PACSIN2: variants seen among roughly 807,000 people sequenced by gnomAD.
PACSIN2 encodes the protein protein kinase C and casein kinase substrate in neurons 2.
In PACSIN2, 25 loss-of-function variants were observed where a neutral mutation model predicts 63.8. The ratio of observed to expected loss-of-function variants is 0.39; its 90% CI spans 0.29 to 0.55. The LOEUF (loss-of-function observed/expected upper bound fraction) is 0.55, where lower values mean the gene tolerates loss of function less well. Among genes scored for constraint, PACSIN2 ranks in the 20% least tolerant of loss-of-function variants. PACSIN2 has a pLI of 0.62. For missense variants in PACSIN2, 518 were observed against 646.9 expected, an observed-to-expected ratio of 0.80 and a Z score of 2.16; for synonymous variants, 255 against 256.2, an observed-to-expected ratio of 1.00 and a Z score of 0.05.
At chr22:42,931,367 G>C (rs1932774056) in intron 1 of PACSIN2, among the ~76,000 whole-genome samples, 1 of 152,226 alleles carries the variant, frequency 6.6e-6, no homozygotes, top group Non-Finnish European at 1.5e-5. Context: ...GACTGAAGTA[G>C]CTGCTTTCCA....
chr22:42,915,006 G>A (rs1227405143), intron 1 of PACSIN2, among the ~76,000 whole-genome samples: 1 of 152,112 alleles, frequency 6.6e-6, no homozygotes, highest in East Asian at 1.9e-4. Context: ...TGGGACTACA[G>A]GCACGTGCTG....
intron 2 of PACSIN2, 98 bp from the exon 3 acceptor site, chr22:42,893,711 C>A: frequency 8.0e-7 from 1 of 1,242,450 alleles, no homozygotes; most frequent in Non-Finnish European, 1.1e-6. Context: ...CTGATGCGCC[C>A]CTGGGGTCAT....
At chr22:42,919,274 G>C (rs1932008316) in intron 1 of PACSIN2, among the ~76,000 whole-genome samples, 1 of 152,166 alleles carries the variant, frequency 6.6e-6, no homozygotes, top group Non-Finnish European at 1.5e-5. Context: ...GTCCTTGTCT[G>C]TAAGGCAGTA....
chr22:43,006,759 G>A (rs979633248), intron 1 of PACSIN2, among the ~76,000 whole-genome samples: 3 of 152,160 alleles, frequency 2.0e-5, no homozygotes, highest in Non-Finnish European at 4.4e-5. Flanking sequence ...AGGGTGCAGT[G>A]AGCCGAAATC....
At chr22:42,952,671 T>C (rs144688978) in intron 1 of PACSIN2, among the ~76,000 whole-genome samples, 1 of 151,758 alleles carries the variant, frequency 6.6e-6, no homozygotes, top group East Asian at 1.9e-4. Context: ...TTATTTATTT[T>C]TTTTTTTTTG....
At chr22:42,886,448 G>GTAGA (rs1443068216) in intron 5 of PACSIN2, among the ~76,000 whole-genome samples, 1 of 137,608 alleles carries the variant, frequency 7.3e-6, no homozygotes. Context: ...AGGTAGGTAG[G>GTAGA]TAGGTATGTA....
intron 1 of PACSIN2, among the ~76,000 whole-genome samples, chr22:43,014,338 A>T: frequency 3.8e-5 from 1 of 26,272 alleles, no homozygotes; most frequent in Non-Finnish European, 6.3e-5. Flanking sequence ...ACACACACAC[A>T]CACACACACA....
chr22:42,888,604 C>A (rs375629150), intron 5 of PACSIN2, 39 bp downstream of exon 5: 80 of 1,601,380 alleles, frequency 5.0e-5, no homozygotes, highest in Non-Finnish European at 6.5e-5. Flanking sequence ...ACAACTGACA[C>A]GGTGACACTC....
At chr22:42,933,593 T>C (rs1932826763) in intron 1 of PACSIN2, among the ~76,000 whole-genome samples, 1 of 152,158 alleles carries the variant, frequency 6.6e-6, no homozygotes, top group African/African-American at 2.4e-5. Context: ...AGCCTGTCCG[T>C]CCTATACTCT....
chr22:43,012,842 T>C (rs1924592382), intron 1 of PACSIN2, among the ~76,000 whole-genome samples: 1 of 152,054 alleles, frequency 6.6e-6, no homozygotes, highest in Admixed American at 6.6e-5. Context: ...TTAGTAGACA[T>C]GGGGTTTCTC....
chr22:42,922,136 T>C (rs566983131), intron 1 of PACSIN2, among the ~76,000 whole-genome samples: 1 of 152,322 alleles, frequency 6.6e-6, no homozygotes, highest in South Asian at 2.1e-4. Flanking sequence ...CTGCCAGCAA[T>C]GTATGTAAGT....
intron 1 of PACSIN2, among the ~76,000 whole-genome samples, chr22:43,008,816 T>A (rs898037118): frequency 6.6e-6 from 1 of 152,234 alleles, no homozygotes; most frequent in Admixed American, 6.5e-5. Context: ...GTGAGACATT[T>A]GGAATTTTTA....
chr22:42,874,323 T>TAAA (rs5845568), intron 10 of PACSIN2, among the ~76,000 whole-genome samples: 3 of 133,872 alleles, frequency 2.2e-5, no homozygotes, highest in South Asian at 2.5e-4. Context: ...GTGTCTCTAT[T>TAAA]AAAAAAAAAA....
intron 1 of PACSIN2, among the ~76,000 whole-genome samples, chr22:43,007,217 T>C (rs1249056145): frequency 2.0e-5 from 3 of 150,070 alleles, no homozygotes; most frequent in Non-Finnish European, 3.0e-5. Context: ...ACACCTCTTG[T>C]TCTTTTTTTT....
At chr22:42,910,102 A>G (rs567200800) in intron 2 of PACSIN2, among the ~76,000 whole-genome samples, 142 of 152,356 alleles carry the variant, frequency 9.3e-4, no homozygotes, top group Non-Finnish European at 6.6e-4. Flanking sequence ...ACACAGAAGT[A>G]AGTGATCAGG....
intron 1 of PACSIN2, among the ~76,000 whole-genome samples, chr22:42,963,601 T>A (rs546480034): frequency 6.6e-6 from 1 of 152,212 alleles, no homozygotes; most frequent in South Asian, 2.1e-4. Context: ...ACCACGCTCA[T>A]TTGAAACACT....
chr22:42,899,821 T>G (rs754976484), intron 2 of PACSIN2, among the ~76,000 whole-genome samples: 1 of 152,226 alleles, frequency 6.6e-6, no homozygotes, highest in South Asian at 2.1e-4. Flanking sequence ...GCCGACACAC[T>G]GACCCAGAAC....
At chr22:42,971,807 G>A (rs1160400016) in intron 1 of PACSIN2, among the ~76,000 whole-genome samples, 2 of 146,246 alleles carry the variant, frequency 1.4e-5, no homozygotes, top group African/African-American at 2.7e-5. Context: ...GAGGTGGGGG[G>A]CAGCCCCCGC....
chr22:42,962,490 G>C (rs1367132410), intron 1 of PACSIN2, among the ~76,000 whole-genome samples: 1 of 150,908 alleles, frequency 6.6e-6, no homozygotes, highest in African/African-American at 2.4e-5. Context: ...TCAACGGTCA[G>C]AACTGGGTCT....
Sources: allele counts gnomAD v4.1 joint callset (sites outside exome capture counted in the v4.1 genomes callset), GRCh38; gene constraint gnomAD v4.1.1; transcripts MANE v1.5; gene names NCBI Gene and HGNC (gene_info 2026-07-23, HGNC 2026-07-21).